The following PRKAR1A variants were observed in gnomAD, a reference collection of about 807,000 sequenced individuals.
PRKAR1A encodes protein kinase cAMP-dependent type I regulatory subunit alpha, also known as cAMP-dependent protein kinase type I-alpha regulatory subunit.
A neutral mutation model predicts 52.0 loss-of-function variants in PRKAR1A; 3 were observed. That is an observed-to-expected ratio of 0.06 (90% CI 0.03 to 0.15). The LOEUF is 0.15. Among genes scored for constraint, PRKAR1A ranks in the 10% least tolerant of loss-of-function variants. PRKAR1A has a pLI of 1.00. For missense variants in PRKAR1A, 240 were observed against 477.4 expected (o/e 0.50, Z 4.63); for synonymous variants, 188 against 168.4 (o/e 1.12, Z -0.90).
At chr17:68,486,494 C>CT in the PRKAR1A span, among the ~76,000 whole-genome samples, 20 of 65,370 alleles carry the variant, frequency 3.1e-4, no homozygotes, top group East Asian at 2.3e-3. Flanking sequence ...TCCTTCCTTC[C>CT]TTCCTTCCTT....
chr17:68,454,569 A>T, the PRKAR1A span, among the ~76,000 whole-genome samples: 1 of 152,256 alleles, frequency 6.6e-6, no homozygotes, highest in African/African-American at 2.4e-5. Context: ...GCAGCTGTGC[A>T]CTTAGAACTG....
chr17:68,493,835 G>C, the PRKAR1A span, among the ~76,000 whole-genome samples: 1,352 of 152,138 alleles, frequency 8.9e-3, 28 homozygotes, highest in African/African-American at 0.031. Context: ...CTCATGATCT[G>C]CCTGCCTTGG....
chr17:68,513,655 A>G (rs796840503), intron 1 of PRKAR1A, among the ~76,000 whole-genome samples: 6 of 152,346 alleles, frequency 3.9e-5, no homozygotes, highest in African/African-American at 1.4e-4. Context: ...GAATCCGGGT[A>G]ACTCGATTAA....
the PRKAR1A span, among the ~76,000 whole-genome samples, chr17:68,428,066 AT>A: frequency 6.7e-6 from 1 of 150,212 alleles, no homozygotes; most frequent in East Asian, 2.0e-4. Flanking sequence ...TAATTTTTAT[AT>A]TTTTTCTTTT....
At chr17:68,492,265 C>T in the PRKAR1A span, among the ~76,000 whole-genome samples, 5 of 152,058 alleles carry the variant, frequency 3.3e-5, no homozygotes, top group South Asian at 2.1e-4. Context: ...GGGAAAGAGC[C>T]GATCTTATTT....
At chr17:68,417,421 G>A in the PRKAR1A span, among the ~76,000 whole-genome samples, 1 of 152,172 alleles carries the variant, frequency 6.6e-6, no homozygotes, top group Non-Finnish European at 1.5e-5. Context: ...GAACTTGGTT[G>A]AGCTCCTGGA....
chr17:68,541,071 G>A (rs1158220727), intron 11 of PRKAR1A: 1 of 1,482,826 alleles, frequency 6.7e-7, no homozygotes, highest in Non-Finnish European at 9.1e-7. Flanking sequence ...CCTGCCCTGG[G>A]CTGGTGGCAG....
At chr17:68,433,652 A>G in the PRKAR1A span, 2 of 1,221,164 alleles carry the variant, frequency 1.6e-6, no homozygotes, top group East Asian at 2.6e-5. Context: ...GATCAGCTTT[A>G]TAAGAAAATC....
the PRKAR1A span, chr17:68,420,650 G>A: frequency 2.9e-6 from 2 of 699,790 alleles, no homozygotes; most frequent in South Asian, 3.8e-5. Context: ...CAGCTGAGCT[G>A]CGCTGGCTCT....
upstream of PRKAR1A, among the ~76,000 whole-genome samples, chr17:68,510,196 A>AGAGAGAGAGAGAGAGAGAGAGAGAGC (rs1600450203): frequency 1.4e-5 from 2 of 147,864 alleles, no homozygotes; most frequent in East Asian, 2.0e-4. Flanking sequence ...AGAGAGAGAG[A>AGAGAGAGAGAGAGAGAGAGAGAGAGC]TCTATCTATT....
intron 4 of PRKAR1A, 89 bp from the exon 5 acceptor site, chr17:68,523,927 C>T (rs985367015): frequency 1.3e-6 from 2 of 1,570,652 alleles, no homozygotes; most frequent in Admixed American, 3.3e-5. Flanking sequence ...CACCAGATGA[C>T]AGTCTGGGGT....
intron 11 of PRKAR1A, among the ~76,000 whole-genome samples, chr17:68,538,853 G>A (rs1244993856): frequency 6.6e-6 from 1 of 152,168 alleles, no homozygotes; most frequent in Non-Finnish European, 1.5e-5. Context: ...AAAACGTTGT[G>A]GGGGAAATTT....
the PRKAR1A span, among the ~76,000 whole-genome samples, chr17:68,496,216 A>G: frequency 6.7e-6 from 1 of 149,172 alleles, no homozygotes; most frequent in East Asian, 2.0e-4. Context: ...TAATTTTTGT[A>G]TTTTTTGTAC....
the PRKAR1A span, among the ~76,000 whole-genome samples, chr17:68,476,129 A>C: frequency 1.3e-5 from 2 of 151,978 alleles, no homozygotes; most frequent in African/African-American, 4.8e-5. Context: ...CTATAATATA[A>C]TATTTATAAT....
the PRKAR1A span, chr17:68,450,662 T>TCCA: frequency 2.6e-6 from 4 of 1,526,668 alleles, no homozygotes; most frequent in Non-Finnish European, 2.6e-6. Flanking sequence ...TCTTGAAAGA[T>TCCA]GTCCATCTTT....
At chr17:68,517,128 T>C (rs1756182725) in intron 2 of PRKAR1A, among the ~76,000 whole-genome samples, 1 of 152,254 alleles carries the variant, frequency 6.6e-6, no homozygotes, top group African/African-American at 2.4e-5. Context: ...ATGGAATTTT[T>C]AGATTTAATG....
At chr17:68,540,468 G>C (rs2143468691) in intron 11 of PRKAR1A, 1 of 469,844 alleles carries the variant, frequency 2.1e-6, no homozygotes, top group South Asian at 1.5e-5. Context: ...CTGGAAGGTG[G>C]AATTACTAGT....
chr17:68,521,146 T>C (rs569877183), intron 2 of PRKAR1A, among the ~76,000 whole-genome samples: 12 of 152,308 alleles, frequency 7.9e-5, no homozygotes, highest in African/African-American at 2.9e-4. Flanking sequence ...TTCACCATAA[T>C]GGCCAGTCTG....
chr17:68,432,295 G>A, the PRKAR1A span, among the ~76,000 whole-genome samples: 1 of 152,194 alleles, frequency 6.6e-6, no homozygotes, highest in Admixed American at 6.5e-5. Context: ...GGTGACCTCA[G>A]GCAGCGTGGG....
Sources: allele counts gnomAD v4.1 joint callset (sites outside exome capture counted in the v4.1 genomes callset), GRCh38; gene constraint gnomAD v4.1.1; transcripts MANE v1.5; gene names NCBI Gene and HGNC (gene_info 2026-07-23, HGNC 2026-07-21).